The following CLEC16A variants were observed in gnomAD, a reference collection of about 807,000 sequenced individuals.
CLEC16A encodes the protein protein CLEC16A.
CLEC16A carries 51 observed loss-of-function variants against 109.5 expected under a neutral mutation model. The ratio of observed to expected loss-of-function variants is 0.47; its 90% CI spans 0.37 to 0.59. The LOEUF (loss-of-function observed/expected upper bound fraction) is 0.59. Ranked by LOEUF, CLEC16A falls within the 20% of genes least tolerant of loss-of-function variation. The pLI, the probability that CLEC16A is intolerant of heterozygous loss-of-function variation, is 0.00. For synonymous variants in CLEC16A, 673 were observed against 564.2 expected (o/e 1.19, Z -2.73); for missense variants, 1,339 against 1,394.0 (o/e 0.96, Z 0.63).
chr16:11,166,452 C>T lies in CLEC16A; in HGVS notation c.2706C>T (p.Pro902=), dbSNP rs2068265915. 1 of 1,607,690 alleles carries T rather than the reference C, an allele frequency of 6.2e-7. No homozygotes were observed. The highest frequency in any genetic ancestry group is 8.5e-7 in the Non-Finnish European group (1 of 1,179,804). The change falls in exon 23 of 24, where the codon CCC becomes CCT. Residue 902 remains proline, a synonymous_variant. Coordinates refer to ENST00000409790, the MANE Select transcript of CLEC16A (RefSeq NM_015226.3). ...SSPSLSSQSP[P]SASGSPSGSG... ...CGTCCCTGTCCTCACAGTCGCCACC[C>T]TCCGCCAGCGGGAGCCCCAGCGGCA...
At chr16:11,062,587 G>A (rs79423890) in intron 19 of CLEC16A, among the ~76,000 whole-genome samples, 5,485 of 152,256 alleles carry the variant, frequency 0.036, 372 homozygotes, top group African/African-American at 0.13. Flanking sequence ...TATTACAGGA[G>A]GTCATGCGTG....
intron 22 of CLEC16A, among the ~76,000 whole-genome samples, chr16:11,128,100 T>C (rs539680082): frequency 6.6e-6 from 1 of 152,208 alleles, no homozygotes; most frequent in Non-Finnish European, 1.5e-5. Flanking sequence ...ATGACTTCTT[T>C]AGGGTCATTG....
In CLEC16A at chr16:11,144,354, G is replaced by T. The variant is rs993139445; in HGVS notation, c.2641+18208G>T. On this transcript the variant is annotated intron_variant, in intron 22 of 23. Transcript: ENST00000409790. ...TCAGCTCAGCATAGCCCTTGGGTCA[G>T]CTCTTTGCTCCTCCAGGCAGACAGC... 2.6e-5 allele frequency among the ~76,000 whole-genome samples: 4 copies of T among 152,316 alleles called. No homozygotes were observed. The South Asian group carries it at 6.2e-4, about 24-fold the overall frequency.
intron 19 of CLEC16A, among the ~76,000 whole-genome samples, chr16:11,102,511 C>A (rs966091304): frequency 2.0e-5 from 3 of 152,224 alleles, no homozygotes; most frequent in African/African-American, 7.2e-5. Context: ...ACTCTGTGAA[C>A]TAATTTCTGC....
chr16:11,154,604 C>A (rs1236444918), intron 22 of CLEC16A, among the ~76,000 whole-genome samples: 1 of 152,142 alleles, frequency 6.6e-6, no homozygotes, highest in Admixed American at 6.5e-5. Flanking sequence ...TTGCTACATA[C>A]CCCTTTGTCT....
intron 22 of CLEC16A, among the ~76,000 whole-genome samples, chr16:11,163,043 G>C (rs1171872742): frequency 1.3e-5 from 2 of 152,156 alleles, no homozygotes; most frequent in South Asian, 4.1e-4. Context: ...ACGATCTCTG[G>C]CTTGTCTGTG....
At chr16:11,126,583 C>T in intron 22 of CLEC16A, 1 of 392,558 alleles carries the variant, frequency 2.5e-6, no homozygotes, top group South Asian at 3.2e-5. Context: ...GGTCAGCTGT[C>T]CACTCCTTCC....
chr16:11,156,752 C>T, intron 22 of CLEC16A: 2 of 1,004,950 alleles, frequency 2.0e-6, no homozygotes, highest in Non-Finnish European at 1.4e-6. Flanking sequence ...AAGCCCAGCC[C>T]TGGCGACCTT....
At chr16:11,008,323 G>A (rs1300702172) in intron 11 of CLEC16A, among the ~76,000 whole-genome samples, 2 of 152,160 alleles carry the variant, frequency 1.3e-5, no homozygotes, top group East Asian at 1.9e-4. Context: ...CTATTGGGAG[G>A]CCATGCCTGC....
At chr16:10,991,445 A>AC (rs2044005063) in intron 10 of CLEC16A, among the ~76,000 whole-genome samples, 1 of 150,186 alleles carries the variant, frequency 6.7e-6, no homozygotes, top group Non-Finnish European at 1.5e-5. Flanking sequence ...AAAAAAAAAA[A>AC]AAGAACAGCC....
At position 10,961,398 on chromosome 16, in the gene CLEC16A, G is replaced by T. The variant is rs2042243156; in HGVS notation, c.210-1057G>T. Among the ~76,000 whole-genome samples, 1 of 152,154 alleles carries T rather than the reference G, an allele frequency of 6.6e-6. No individual in the cohort carries two copies. The highest frequency in any genetic ancestry group is 2.4e-5 in the African/African-American group (1 of 41,424). ...GGAGATGCCAGACGAGGACAGAGAG[G>T]CACCCACAACTGAGTCAGCCCGCAG... On this transcript the variant is annotated intron_variant, in intron 2 of 23. Transcript: ENST00000409790. The surrounding 1 kb of genome is among the most constrained non-coding windows in gnomAD (Gnocchi z 4.3).
intron 22 of CLEC16A, among the ~76,000 whole-genome samples, chr16:11,147,478 C>T (rs1358176947): frequency 6.6e-6 from 1 of 152,220 alleles, no homozygotes; most frequent in African/African-American, 2.4e-5. Flanking sequence ...GGGCAAGGTT[C>T]TCTGAAGGCG....
chr16:11,072,016 C>A (rs1472140588), intron 19 of CLEC16A, among the ~76,000 whole-genome samples: 6 of 151,968 alleles, frequency 3.9e-5, no homozygotes, highest in Admixed American at 1.3e-4. Context: ...TGGACTGATT[C>A]AGAAGATAAA....
At chr16:11,079,026 G>A (rs529132069) in intron 19 of CLEC16A, among the ~76,000 whole-genome samples, 1 of 152,280 alleles carries the variant, frequency 6.6e-6, no homozygotes, top group East Asian at 1.9e-4. Context: ...AAGGGCCTGC[G>A]TAATAGGTTG....
chr16:10,965,633 T>C (rs1453417164), intron 3 of CLEC16A, among the ~76,000 whole-genome samples: 1 of 152,224 alleles, frequency 6.6e-6, no homozygotes, highest in Non-Finnish European at 1.5e-5. Context: ...ATTTCACAAA[T>C]GCACCTGTTG....
chr16:10,971,162 A>C lies in CLEC16A; in HGVS notation c.530A>C (p.Lys177Thr). 1.2e-6 allele frequency: 2 copies of C among 1,613,840 alleles called. No individual in the cohort carries two copies. Among genetic ancestry groups the C allele is most frequent in the Admixed American group, 1.7e-5 (1 of 60,030 alleles). The change falls in exon 5 of 24, where the codon AAG (lysine) becomes ACG (threonine). Residue 177 changes from lysine (K) to threonine (T), a missense_variant. This residue lies in a region of CLEC16A where 161 missense variants were observed against 267.1 expected (regional missense o/e 0.60). Transcript: ENST00000409790. ...NDFALYTEAIKFFNHPESMVR... is the reference protein window; with the variant it reads ...NDFALYTEAITFFNHPESMVR... ...TTTGCCCTGTACACAGAAGCCATCA[A>C]GTTTTTCAACCACCCTGAAAGCATG...
At chr16:11,015,412 C>T (rs2045686042) in intron 11 of CLEC16A, among the ~76,000 whole-genome samples, 1 of 152,178 alleles carries the variant, frequency 6.6e-6, no homozygotes, top group South Asian at 2.1e-4. Context: ...TTGTGGGTTT[C>T]TGTGCACTCA....
Position 11,178,662 on chromosome 16 carries a change from C to T in CLEC16A, c.3134C>T (p.Ala1045Val), listed in dbSNP as rs1000161528. 1 of 1,544,960 alleles carries T rather than the reference C, an allele frequency of 6.5e-7. No homozygotes were observed. The highest frequency in any genetic ancestry group is 8.7e-7 in the Non-Finnish European group (1 of 1,150,682). ...CCCGTGGGCGAAGAGGCTGCATGTGCTGAGCCTGTGGGCACCGCTGAGGAC... is the reference window on the plus strand; with the variant it reads ...CCCGTGGGCGAAGAGGCTGCATGTGTTGAGCCTGTGGGCACCGCTGAGGAC... ...TEPVGEEAAC[A>V]EPVGTAED Residue 1045 changes from alanine (A) to valine (V), a missense_variant, in exon 24 of 24, where the codon GCT (alanine) becomes GTT (valine). Transcript: ENST00000409790. The surrounding 1 kb of genome is among the most constrained non-coding windows in gnomAD (Gnocchi z 6.5).
chr16:11,113,592 G>T (rs754123545), intron 19 of CLEC16A, among the ~76,000 whole-genome samples: 2 of 152,142 alleles, frequency 1.3e-5, no homozygotes, highest in Admixed American at 6.5e-5. Context: ...CTGTGAGGCC[G>T]AGGCTGCAGT....
Sources: gnomAD v4.1 joint callset for allele counts (sites outside exome capture counted in the v4.1 genomes callset) on GRCh38, gnomAD v4.1.1 for gene constraint, gnomAD v4.1.1 regional missense constraint, Gnocchi (gnomAD v3.1) non-coding constraint, MANE v1.5 for transcripts, NCBI Gene and HGNC (gene_info 2026-07-23, HGNC 2026-07-21) for gene names.